The following BOD1L1 variants were observed in gnomAD, a reference collection of about 807,000 sequenced individuals.
The protein encoded by BOD1L1 is biorientation of chromosomes in cell division protein 1-like 1.
A neutral mutation model predicts 240.7 loss-of-function variants in BOD1L1; 86 were observed. The ratio of observed to expected loss-of-function variants is 0.36; its 90% CI spans 0.30 to 0.43. The LOEUF is 0.43. BOD1L1 is among the 20% of genes least tolerant of loss of function. The probability of loss-of-function intolerance (pLI) is 1.00; values close to 1 mark genes in which losing one functional copy is unlikely to be tolerated. For synonymous variants in BOD1L1, 1,268 were observed against 1,272.3 expected, an observed-to-expected ratio of 1.00 and a Z score of 0.07; for missense variants, 3,554 against 3,643.5, an observed-to-expected ratio of 0.98 and a Z score of 0.63.
Position 13,601,421 on chromosome 4 carries a change from C to T in BOD1L1, c.5479G>A (p.Glu1827Lys). ...AISSESEENG[E>K]SAMDSTVAKE... ...GCCACTGTGCTGTCCATTGCACTCT[C>T]TCCATTTTCTTCCGATTCAGAACTT... Residue 1827 changes from glutamate to lysine, a missense_variant, in exon 10 of 26, where the codon GAG becomes AAG. Physicochemically the swap from Glu to Lys is moderately conservative, Grantham distance 56. Transcript: ENST00000040738. 1 of 1,614,062 alleles carries T rather than the reference C, an allele frequency of 6.2e-7. No individual in the cohort carries two copies. Among genetic ancestry groups the T allele is most frequent in the Non-Finnish European group, 8.5e-7 (1 of 1,179,906 alleles).
chr4:13,613,671 GA>G lies in BOD1L1; in HGVS notation c.1175-11del. 5 of 1,487,364 alleles carry G rather than the reference GA, an allele frequency of 3.4e-6. No individual in the cohort carries two copies. Among genetic ancestry groups the G allele is most frequent in the Non-Finnish European group, 4.5e-6 (5 of 1,106,934 alleles). The allele number at this position is 1,487,364 out of a possible 1,614,324, so 92.1% of individuals were successfully genotyped here. A position where few individuals can be genotyped will look rare whatever the true frequency, so the allele number is the denominator to read the frequency against. ...TCTATCAAAGAGAAATCTTCAAGCG[GA>G]AAATAAAACACAGAAAAAAAAATCA... is the stretch of plus-strand genomic sequence containing the variant. On this transcript the variant is annotated splice_polypyrimidine_tract_variant and intron_variant, in intron 4 of 25. Coordinates refer to ENST00000040738, the MANE Select transcript of BOD1L1 (RefSeq NM_148894.3). This position sits in a 1 kb window ranked among gnomAD's most constrained non-coding sequence, Gnocchi z 4.0.
At chr4:13,614,067 G>T in intron 4 of BOD1L1, 129 bp downstream of exon 4, 1 of 802,746 alleles carries the variant, frequency 1.2e-6, no homozygotes, top group Non-Finnish European at 1.8e-6. Flanking sequence ...TTTTTCTTAA[G>T]CAAAGGGGAT....
rs1386545432 is a variant in BOD1L1 at position 13,577,045 on chromosome 4, AAG to A, written c.8885-56_8885-55del. 76 of 1,585,986 alleles carry A rather than the reference AAG, an allele frequency of 4.8e-5. No individual in the cohort carries two copies. The East Asian group carries it at 1.4e-3, about 30-fold the overall frequency. On this transcript the variant is annotated intron_variant, in intron 24 of 25. Coordinates refer to ENST00000040738, the MANE Select transcript of BOD1L1 (RefSeq NM_148894.3). ...TTTTACAATTCCCAAAGATACTTCC[AAG>A]AGAGAGAGTCATGGAGTTTAGAACT...
At chr4:13,573,564 C>T (rs1189957796) in intron 25 of BOD1L1, among the ~76,000 whole-genome samples, 1 of 151,986 alleles carries the variant, frequency 6.6e-6, no homozygotes, top group Non-Finnish European at 1.5e-5. Flanking sequence ...CGCTCTGTCA[C>T]CCAGGCTGGA....
At chr4:13,576,676 C>T (rs1014721059) in intron 25 of BOD1L1, among the ~76,000 whole-genome samples, 162 bp downstream of exon 25, 1 of 152,042 alleles carries the variant, frequency 6.6e-6, no homozygotes, top group African/African-American at 2.4e-5. Flanking sequence ...AAAATGTGTT[C>T]TCCAAGAACT....
chr4:13,580,704 A>G (rs1243758339), intron 21 of BOD1L1, among the ~76,000 whole-genome samples: 2 of 152,224 alleles, frequency 1.3e-5, no homozygotes, highest in African/African-American at 4.8e-5. Context: ...ACAAGTCTCT[A>G]TAAAGAAGCC....
rs548879998 is a variant in BOD1L1 at position 13,599,514 on chromosome 4, C to A, written c.7386G>T (p.Lys2462Asn). The A allele has an allele frequency of 1.9e-6, 3 of 1,614,042 alleles. No individual in the cohort carries two copies. Among genetic ancestry groups the A allele is most frequent in the Non-Finnish European group, 2.5e-6 (3 of 1,179,896 alleles). Reference sequence around the variant, plus strand: ...TCTGAAGGGAGTTCAACAATACATTCTTCTCTTCTGCATTTATGAGGTGTA... The same window carrying A: ...TCTGAAGGGAGTTCAACAATACATTATTCTCTTCTGCATTTATGAGGTGTA... ...STLHLINAEE[K>N]NVLLNSLQKE... The change falls in exon 10 of 26, where the codon AAG becomes AAT. Residue 2462 changes from lysine to asparagine, a missense_variant. Transcript: ENST00000040738.
Position 13,598,941 on chromosome 4 carries a change from CT to C in BOD1L1, c.7954+4del, listed in dbSNP as rs1714834383. On this transcript the variant is annotated splice_donor_region_variant and intron_variant, in intron 10 of 25. Transcript: ENST00000040738. ...TAAAATTTGCAATTAGGTACAGATTCTCACCTATGTCACACACATTTTCTTC... is the reference window on the plus strand; with the variant it reads ...TAAAATTTGCAATTAGGTACAGATTCCACCTATGTCACACACATTTTCTTC... 6.3e-7 allele frequency: 1 copy of C among 1,592,730 alleles called. No individual in the cohort carries two copies. The highest frequency in any genetic ancestry group is 8.6e-7 in the Non-Finnish European group (1 of 1,166,830).
chr4:13,574,663 T>C (rs906523821), intron 25 of BOD1L1, among the ~76,000 whole-genome samples: 8 of 152,136 alleles, frequency 5.3e-5, no homozygotes, highest in East Asian at 1.9e-4. Flanking sequence ...CCCAAATGCA[T>C]GGGTGTTGGG....
At position 13,615,522 on chromosome 4, in the gene BOD1L1, ATGG is replaced by A. The variant is rs1396264892; in HGVS notation, c.369-23_369-21del. On this transcript the variant is annotated intron_variant, in intron 2 of 25. Coordinates refer to ENST00000040738, the MANE Select transcript of BOD1L1 (RefSeq NM_148894.3). ...CCTGATCTGAAACACAAGATAATTT[ATGG>A]AAAGGTGAAAAAATAATATATTATT... 1 of 1,567,052 alleles carries A rather than the reference ATGG, an allele frequency of 6.4e-7. No homozygotes were observed. Among genetic ancestry groups the A allele is most frequent in the Non-Finnish European group, 8.7e-7 (1 of 1,153,030 alleles).
rs896843727 is a variant in BOD1L1, at chr4:13,599,907, G to A, written c.6993C>T (p.Ser2331=). ...VEDLSDAAII[S]TSTAECMPIS... ...TTGGCATACATTCTGCTGTGCTGGT[G>A]GAGATGATGGCAGCATCGCTCAAGT... is the stretch of plus-strand genomic sequence containing the variant. Residue 2331 remains serine, a synonymous_variant, in exon 10 of 26, where the codon TCC becomes TCT. Coordinates refer to ENST00000040738, the MANE Select transcript of BOD1L1 (RefSeq NM_148894.3). The A allele has an allele frequency of 1.2e-6, 2 of 1,613,862 alleles. No homozygotes were observed. The highest frequency in any genetic ancestry group is 1.7e-6 in the Non-Finnish European group (2 of 1,179,826).
At chr4:13,586,655 T>C (rs1431542058) in intron 16 of BOD1L1, among the ~76,000 whole-genome samples, 180 bp from the exon 17 acceptor site, 1 of 152,236 alleles carries the variant, frequency 6.6e-6, no homozygotes, top group African/African-American at 2.4e-5. Flanking sequence ...CCTTTCGCCC[T>C]GGCAAAGTAA....
At chr4:13,570,160 G>T in intron 25 of BOD1L1, 32 bp from the exon 26 acceptor site, 2 of 1,444,342 alleles carry the variant, frequency 1.4e-6, no homozygotes, top group Non-Finnish European at 1.8e-6. Context: ...CAATGGTGAG[G>T]TTTAAAAGCA....
rs745765278 is a variant in BOD1L1 at position 13,600,768 on chromosome 4, A to G, written c.6132T>C (p.Asp2044=). 1.5e-5 allele frequency: 24 copies of G among 1,613,888 alleles called. No homozygotes were observed. The Admixed American group carries it at 3.7e-4, about 25-fold the overall frequency. ...CACTGGCTGTAGTTGCCATGAGACC[A>G]TCACACTCTTCATTTTCTACAGAGG... ...IITSVENEEC[D]GLMATTASGD... The change falls in exon 10 of 26, where the codon GAT becomes GAC. Residue 2044 remains aspartate (D), a synonymous_variant. Coordinates refer to ENST00000040738, the MANE Select transcript of BOD1L1 (RefSeq NM_148894.3).
In BOD1L1 at chr4:13,582,263, C is replaced by T. The variant is rs1167537626; in HGVS notation, c.8566G>A (p.Asp2856Asn). ...TCCTGAGATTTTATGGTGTCATCAT[C>T]GTTCTGCTCTGGCTTTTCACCAGTA... ...ETTGEKPEQN[D>N]DDTIKSQEED... Residue 2856 changes from aspartate to asparagine, a missense_variant, in exon 19 of 26, where the codon GAT becomes AAT. This residue lies in a region of BOD1L1 where 3,393 missense variants were observed against 3,427.1 expected (regional missense o/e 0.99). Transcript: ENST00000040738. 13 of 1,613,546 alleles carry T rather than the reference C, an allele frequency of 8.1e-6. No homozygotes were observed. The highest frequency in any genetic ancestry group is 1.6e-4 in the Middle Eastern group (1 of 6,062).
At chr4:13,583,211 C>A (rs950641024) in intron 17 of BOD1L1, among the ~76,000 whole-genome samples, 2 of 152,068 alleles carry the variant, frequency 1.3e-5, no homozygotes, top group African/African-American at 4.8e-5. Flanking sequence ...AATTATCCCC[C>A]CATAGTGGCA....
At chr4:13,626,399 G>A (rs1448308382) in intron 1 of BOD1L1, 4 of 149,560 alleles carry the variant, frequency 2.7e-5, no homozygotes, top group Middle Eastern at 5.2e-4. Context: ...GATTTAACAA[G>A]CAGACAAAAA....
intron 5 of BOD1L1, among the ~76,000 whole-genome samples, chr4:13,612,420 G>A (rs546546648): frequency 1.3e-5 from 2 of 152,232 alleles, no homozygotes; most frequent in South Asian, 2.1e-4. Flanking sequence ...GCACAGACTC[G>A]GGTTTGAAAT....
chr4:13,620,357 G>C (rs1234247809), intron 1 of BOD1L1, among the ~76,000 whole-genome samples: 2 of 152,178 alleles, frequency 1.3e-5, no homozygotes, highest in African/African-American at 4.8e-5. Flanking sequence ...AGGGAGAAGA[G>C]CTGAGGAAGC....
Sources: gnomAD v4.1 joint callset for allele counts (sites outside exome capture counted in the v4.1 genomes callset) on GRCh38, gnomAD v4.1.1 for gene constraint, gnomAD v4.1.1 regional missense constraint, Gnocchi (gnomAD v3.1) non-coding constraint, MANE v1.5 for transcripts, NCBI Gene and HGNC (gene_info 2026-07-23, HGNC 2026-07-21) for gene names.